The following AIG1 variants were observed in gnomAD, a reference collection of about 807,000 sequenced individuals.
AIG1 encodes the protein androgen-induced gene 1 protein.
AIG1 carries 23 observed loss-of-function variants against 31.4 expected under a neutral mutation model. The ratio of observed to expected loss-of-function variants is 0.73; its 90% CI spans 0.53 to 1.04. The LOEUF is 1.04. AIG1 is among the 50% of genes least tolerant of loss of function. The pLI is 0.00. For missense variants in AIG1, 274 were observed against 295.0 expected (o/e 0.93, Z 0.52); for synonymous variants, 100 against 110.5 (o/e 0.90, Z 0.60).
chr6:143,061,829 A>G (rs1354816002), intron 1 of AIG1, among the ~76,000 whole-genome samples: 1 of 152,220 alleles, frequency 6.6e-6, no homozygotes, highest in Admixed American at 6.5e-5. Flanking sequence ...TATTTCTGGC[A>G]CTAAAAGGCC....
chr6:143,239,300 G>A (rs780211498), intron 3 of AIG1, among the ~76,000 whole-genome samples: 3 of 152,160 alleles, frequency 2.0e-5, no homozygotes, highest in African/African-American at 4.8e-5. Context: ...GTGGAATCTC[G>A]TAACAGAAGT....
chr6:143,340,261 T>C lies in AIG1; in HGVS notation c.*585T>C, dbSNP rs149074363. On this transcript the variant is annotated 3_prime_UTR_variant, in exon 6 of 6. Coordinates refer to ENST00000357847, the MANE Select transcript of AIG1 (RefSeq NM_016108.4). ...TCTTGATTTAATCATGTGAAACTTTTCCTAGATGCAAATGCTGACTAATAA... is the reference window on the plus strand; with the variant it reads ...TCTTGATTTAATCATGTGAAACTTTCCCTAGATGCAAATGCTGACTAATAA... The C allele has an allele frequency of 1.2e-4, 19 of 152,326 alleles. No individual in the cohort carries two copies. The highest frequency in any genetic ancestry group is 4.6e-4 in the African/African-American group (19 of 41,560). The allele number at this position is 152,326 out of a possible 1,614,324, so 9.4% of individuals were successfully genotyped here. A position where few individuals can be genotyped will look rare whatever the true frequency, so the allele number is the denominator to read the frequency against.
chr6:143,338,019 G>C lies in AIG1; in HGVS notation c.680-1620G>C. 2.5e-6 allele frequency: 1 copy of C among 398,644 alleles called. No homozygotes were observed. The highest frequency in any genetic ancestry group is 4.4e-6 in the Non-Finnish European group (1 of 226,110). The allele number at this position is 398,644 out of a possible 1,614,324, so 24.7% of individuals were successfully genotyped here. On this transcript the variant is annotated intron_variant, in intron 5 of 5. Transcript: ENST00000357847. This position sits in a 1 kb window ranked among gnomAD's most constrained non-coding sequence, Gnocchi z 4.3. Reference sequence around the variant, plus strand: ...GGTGGGAAGCCATTTTCCCTCTCTAGGTCAATGAATACCCCCCGTTCTCCA... The same window carrying C: ...GGTGGGAAGCCATTTTCCCTCTCTACGTCAATGAATACCCCCCGTTCTCCA...
intron 3 of AIG1, among the ~76,000 whole-genome samples, chr6:143,266,492 AACACAC>A (rs369098822): frequency 6.6e-6 from 1 of 151,814 alleles, no homozygotes; most frequent in African/African-American, 2.4e-5. Flanking sequence ...CCTAAGTGTT[AACACAC>A]ACACACACAA....
At chr6:143,080,986 G>T (rs1461025248) in intron 1 of AIG1, among the ~76,000 whole-genome samples, 1 of 152,134 alleles carries the variant, frequency 6.6e-6, no homozygotes. Flanking sequence ...AATGTTTTAA[G>T]AACTCGTTGA....
chr6:143,074,412 G>A (rs113520646), intron 1 of AIG1, among the ~76,000 whole-genome samples: 1 of 152,160 alleles, frequency 6.6e-6, no homozygotes, highest in Admixed American at 6.5e-5. Flanking sequence ...ATTTCATGTT[G>A]AATTTTGTAT....
intron 1 of AIG1, among the ~76,000 whole-genome samples, chr6:143,134,111 T>C (rs1783511934): frequency 6.6e-6 from 1 of 152,076 alleles, no homozygotes; most frequent in Admixed American, 6.6e-5. Context: ...ACTTTTAAGT[T>C]ATTTGAAAAT....
chr6:143,070,214 C>G (rs1211992047), intron 1 of AIG1, among the ~76,000 whole-genome samples: 1 of 152,026 alleles, frequency 6.6e-6, no homozygotes, highest in Non-Finnish European at 1.5e-5. Flanking sequence ...GATAATTGTA[C>G]TTGGATTTTT....
rs191772237 is a variant in AIG1 at position 143,309,711 on chromosome 6, T to G, written c.516-23571T>G. Among the ~76,000 whole-genome samples the G allele has an allele frequency of 4.6e-5, 7 of 152,098 alleles. No homozygotes were observed. The East Asian group carries it at 1.3e-3, about 29-fold the overall frequency. The stretch of plus-strand genomic sequence containing the variant: ...AATTAAAAGACAAAGATTATTACAT[T>G]AGATAAAATAACAAGACTAAAATAT... On this transcript the variant is annotated intron_variant, in intron 4 of 5. Coordinates refer to ENST00000357847, the MANE Select transcript of AIG1 (RefSeq NM_016108.4).
intron 1 of AIG1, among the ~76,000 whole-genome samples, chr6:143,073,497 A>G (rs1186947345): frequency 6.6e-6 from 1 of 152,214 alleles, no homozygotes; most frequent in African/African-American, 2.4e-5. Flanking sequence ...TCCTGCCAAC[A>G]GTGTACAAGA....
Position 143,268,827 on chromosome 6 carries a change from G to A in AIG1, c.400-15283G>A, listed in dbSNP as rs1164104627. On this transcript the variant is annotated intron_variant, in intron 3 of 5. Transcript: ENST00000357847. This position sits in a 1 kb window ranked among gnomAD's most constrained non-coding sequence, Gnocchi z 5.0. ...GGGGATTGGACTTACTTCCCCAGCA[G>A]GTGGGAGTGCCGTCAGTTTCAGCCC... 1.3e-5 allele frequency among the ~76,000 whole-genome samples: 2 copies of A among 152,226 alleles called. No individual in the cohort carries two copies. The highest frequency in any genetic ancestry group is 4.8e-5 in the African/African-American group (2 of 41,458).
Position 143,284,381 on chromosome 6 carries a change from A to G in AIG1, c.515+156A>G, listed in dbSNP as rs1268355615. Among the ~76,000 whole-genome samples the G allele has an allele frequency of 3.3e-5, 5 of 152,200 alleles. No homozygotes were observed. Among genetic ancestry groups the G allele is most frequent in the East Asian group, 1.9e-4 (1 of 5,196 alleles). ...CTTTGTCTCGTTTCCCCAGATGCTTATATTTTTAGAAAGTATATGCCAAAC... is the reference window on the plus strand; with the variant it reads ...CTTTGTCTCGTTTCCCCAGATGCTTGTATTTTTAGAAAGTATATGCCAAAC... On this transcript the variant is annotated intron_variant, in intron 4 of 5. Transcript: ENST00000357847. This position sits in a 1 kb window ranked among gnomAD's most constrained non-coding sequence, Gnocchi z 4.4.
At chr6:143,235,966 A>G (rs866066041) in intron 3 of AIG1, among the ~76,000 whole-genome samples, 1 of 152,052 alleles carries the variant, frequency 6.6e-6, no homozygotes, top group Non-Finnish European at 1.5e-5. Flanking sequence ...TGCTTCAAAG[A>G]AGGTAGGGCA....
chr6:143,273,198 A>G (rs779483144), intron 3 of AIG1, among the ~76,000 whole-genome samples: 1 of 152,226 alleles, frequency 6.6e-6, no homozygotes, highest in Non-Finnish European at 1.5e-5. Context: ...TTAAAGCCAT[A>G]CTCTGACATT....
rs1797243239 is a variant in AIG1, at chr6:143,280,104, A to T, written c.400-4006A>T. Among the ~76,000 whole-genome samples, 1 of 152,210 alleles carries T rather than the reference A, an allele frequency of 6.6e-6. No individual in the cohort carries two copies. Among genetic ancestry groups the T allele is most frequent in the Admixed American group, 6.5e-5 (1 of 15,278 alleles). ...AAGGTGGATCTACATCTACCTGAAA[A>T]TACTGTAAGTTGTAAATGGTATTTG... On this transcript the variant is annotated intron_variant, in intron 3 of 5. Coordinates refer to ENST00000357847, the MANE Select transcript of AIG1 (RefSeq NM_016108.4). This position sits in a 1 kb window ranked among gnomAD's most constrained non-coding sequence, Gnocchi z 4.1.
chr6:143,080,786 G>C (rs1778176579), intron 1 of AIG1, among the ~76,000 whole-genome samples: 1 of 152,074 alleles, frequency 6.6e-6, no homozygotes, highest in Admixed American at 6.5e-5. Context: ...TCCAGGGTTT[G>C]GCTCGAGTGT....
Position 143,275,502 on chromosome 6 carries a change from C to T in AIG1, c.400-8608C>T, listed in dbSNP as rs9496555. 8.3e-3 allele frequency among the ~76,000 whole-genome samples: 1,264 copies of T among 152,260 alleles called. 13 individuals carry two copies. Among genetic ancestry groups the T allele is most frequent in the African/African-American group, 0.029 (1,216 of 41,528 alleles). On this transcript the variant is annotated intron_variant, in intron 3 of 5. Transcript: ENST00000357847. ...CCCTCTAGGGTTTGGCAGACACCTC[C>T]CTCACCCTCACCCGTGCAAACCCAG...
intron 4 of AIG1, among the ~76,000 whole-genome samples, chr6:143,311,625 GA>G (rs1183099943): frequency 2.0e-5 from 3 of 151,460 alleles, no homozygotes; most frequent in Non-Finnish European, 3.0e-5. Flanking sequence ...TGATTTAAAG[GA>G]AAAAAACCTC....
At chr6:143,098,972 T>G (rs1410169686) in intron 1 of AIG1, among the ~76,000 whole-genome samples, 1 of 152,228 alleles carries the variant, frequency 6.6e-6, no homozygotes, top group African/African-American at 2.4e-5. Context: ...TATTCTTTTG[T>G]TTGAGAAATT....
Sources: allele counts gnomAD v4.1 joint callset (sites outside exome capture counted in the v4.1 genomes callset), GRCh38; gene constraint gnomAD v4.1.1; non-coding constraint Gnocchi (gnomAD v3.1); transcripts MANE v1.5; gene names NCBI Gene and HGNC (gene_info 2026-07-23, HGNC 2026-07-21).